The following DAG1 variants were observed in gnomAD, a reference collection of about 807,000 sequenced individuals.
DAG1 encodes dystroglycan 1 (dystrophin-associated glycoprotein 1).
A neutral mutation model predicts 46.1 loss-of-function variants in DAG1; 8 were observed. The observed-to-expected ratio is 0.17, with a 90% CI of 0.10 to 0.31. The LOEUF is 0.31. DAG1 is among the 10% of genes least tolerant of loss of function. DAG1 has a pLI of 1.00. For missense variants in DAG1, 1,003 were observed against 1,189.9 expected (o/e 0.84, Z 2.31); for synonymous variants, 495 against 481.8 (o/e 1.03, Z -0.36).
At chr3:49,479,804 A>AT (rs1272638764) in intron 1 of DAG1, among the ~76,000 whole-genome samples, 8 of 112,614 alleles carry the variant, frequency 7.1e-5, no homozygotes, top group East Asian at 5.1e-4. Flanking sequence ...CACCCGGCTA[A>AT]TTTTTTTTTG....
chr3:49,470,128 A>G (rs562858604), upstream of DAG1: 1 of 150,668 alleles, frequency 6.6e-6, no homozygotes, highest in Non-Finnish European at 1.5e-5. Flanking sequence ...GGAGCGGCCG[A>G]CGCAGGCAGA....
chr3:49,516,434 G>A (rs924864460), intron 2 of DAG1, among the ~76,000 whole-genome samples: 2 of 152,220 alleles, frequency 1.3e-5, no homozygotes, highest in Non-Finnish European at 2.9e-5. Flanking sequence ...TGGTCTTGCC[G>A]TGTTTTGAGG....
chr3:49,508,444 G>A (rs2050669821), intron 1 of DAG1, among the ~76,000 whole-genome samples: 1 of 151,994 alleles, frequency 6.6e-6, no homozygotes, highest in African/African-American at 2.4e-5. Context: ...TGTCACCCAG[G>A]CTAGAGTGCA....
At chr3:49,508,654 C>G (rs1281746355) in intron 1 of DAG1, among the ~76,000 whole-genome samples, 1 of 152,130 alleles carries the variant, frequency 6.6e-6, no homozygotes, top group African/African-American at 2.4e-5. Flanking sequence ...CCTGCCTTGG[C>G]CTCCCAAAGT....
chr3:49,527,914 G>A (rs1466249726), intron 2 of DAG1, among the ~76,000 whole-genome samples: 1 of 152,102 alleles, frequency 6.6e-6, no homozygotes, highest in Non-Finnish European at 1.5e-5. Context: ...CTCTATTCCA[G>A]GCCTTCCCTG....
Position 49,532,727 on chromosome 3 carries a change from G to A in DAG1, c.2216G>A (p.Arg739Lys). The change falls in exon 3 of 3, where the codon AGG becomes AAG. Residue 739 changes from arginine to lysine, a missense_variant. Coordinates refer to ENST00000308775, the MANE Select transcript of DAG1 (RefSeq NM_004393.6). This position sits in a 1 kb window ranked among gnomAD's most constrained non-coding sequence, Gnocchi z 5.4. ...SEAPPTEVPD[R>K]DPEKSSEDDV... ...GCGCCGCCCACAGAAGTGCCTGACA[G>A]GGACCCTGAGAAGAGCAGTGAGGAT... 6.2e-7 allele frequency: 1 copy of A among 1,614,184 alleles called. No individual in the cohort carries two copies. Among genetic ancestry groups the A allele is most frequent in the South Asian group, 1.1e-5 (1 of 91,090 alleles).
intron 1 of DAG1, among the ~76,000 whole-genome samples, chr3:49,507,426 A>G (rs1320327266): frequency 6.6e-6 from 1 of 151,928 alleles, no homozygotes; most frequent in Non-Finnish European, 1.5e-5. Context: ...AGCTGGGCGT[A>G]GTGGTGGGAG....
intron 1 of DAG1, among the ~76,000 whole-genome samples, chr3:49,481,506 A>T (rs1032925719): frequency 6.6e-6 from 1 of 151,864 alleles, no homozygotes; most frequent in African/African-American, 2.4e-5. Context: ...AGTATTGTGC[A>T]CGTTTTCTGT....
intron 1 of DAG1, among the ~76,000 whole-genome samples, chr3:49,484,370 C>T (rs1278651402): frequency 6.6e-6 from 1 of 151,896 alleles, no homozygotes; most frequent in Non-Finnish European, 1.5e-5. Flanking sequence ...CTGTGGGGAC[C>T]CCTGTCTCTT....
chr3:49,480,034 C>T (rs368233872), intron 1 of DAG1, among the ~76,000 whole-genome samples: 29 of 147,954 alleles, frequency 2.0e-4, no homozygotes, highest in East Asian at 5.9e-4. Flanking sequence ...ACTGCAACCT[C>T]TGCCTCCCGG....
intron 2 of DAG1, among the ~76,000 whole-genome samples, chr3:49,517,986 C>T (rs925864035): frequency 1.3e-5 from 2 of 152,116 alleles, no homozygotes; most frequent in African/African-American, 4.8e-5. Flanking sequence ...GCAGGGTTGT[C>T]AATTTGAGTG....
chr3:49,517,422 T>C (rs2050926838), intron 2 of DAG1, among the ~76,000 whole-genome samples: 1 of 152,170 alleles, frequency 6.6e-6, no homozygotes, highest in Non-Finnish European at 1.5e-5. Context: ...TTAGAAGACT[T>C]CCCTCGTAGT....
At chr3:49,493,853 C>G (rs149022934) in intron 1 of DAG1, among the ~76,000 whole-genome samples, 1 of 152,324 alleles carries the variant, frequency 6.6e-6, no homozygotes, top group East Asian at 1.9e-4. Flanking sequence ...TAGTGTTGGC[C>G]TGGCCCACCA....
At chr3:49,477,471 T>C (rs1359146021) in intron 1 of DAG1, among the ~76,000 whole-genome samples, 1 of 152,032 alleles carries the variant, frequency 6.6e-6, no homozygotes, top group Non-Finnish European at 1.5e-5. Context: ...TTTGTAACTT[T>C]TTGTGGAGAT....
intron 1 of DAG1, among the ~76,000 whole-genome samples, chr3:49,507,184 GAAAAA>G: frequency 6.6e-6 from 1 of 151,506 alleles, no homozygotes; most frequent in Non-Finnish European, 1.5e-5. Context: ...CCAAAAAAAA[GAAAAA>G]GAAGAAAAAG....
intron 1 of DAG1, among the ~76,000 whole-genome samples, chr3:49,495,026 G>A (rs908624751): frequency 6.6e-6 from 1 of 152,142 alleles, no homozygotes; most frequent in Admixed American, 6.6e-5. Flanking sequence ...GGCATCTACT[G>A]GGAGAGAAAG....
intron 1 of DAG1, among the ~76,000 whole-genome samples, chr3:49,478,802 C>CTTTTTTTTTTTTTTTTTTTTTTT (rs201202889): frequency 6.6e-5 from 5 of 76,010 alleles, no homozygotes; most frequent in African/African-American, 2.1e-4. Context: ...CGTCCCCTCC[C>CTTTTTTTTTTTTTTTTTTTTTTT]TTTTTTTTTT....
intron 2 of DAG1, among the ~76,000 whole-genome samples, chr3:49,513,008 T>C (rs1256766212): frequency 1.3e-5 from 2 of 152,130 alleles, no homozygotes; most frequent in Non-Finnish European, 2.9e-5. Context: ...CTACATACAT[T>C]TAGTGCTCTG....
intron 2 of DAG1, among the ~76,000 whole-genome samples, chr3:49,522,260 G>A (rs1394788814): frequency 1.3e-5 from 2 of 152,064 alleles, no homozygotes; most frequent in Admixed American, 6.6e-5. Context: ...TTGAACTCCT[G>A]ACCTCAGGTG....
Sources: allele counts gnomAD v4.1 joint callset (sites outside exome capture counted in the v4.1 genomes callset), GRCh38; gene constraint gnomAD v4.1.1; non-coding constraint Gnocchi (gnomAD v3.1); transcripts MANE v1.5; gene names NCBI Gene and HGNC (gene_info 2026-07-23, HGNC 2026-07-21).